Variants in NUDCD3 observed in about 807,000 individuals in gnomAD.
The protein encoded by NUDCD3 is NudC domain containing 3.
Under a neutral mutation model 39.7 loss-of-function variants are expected in NUDCD3, and 13 were observed. The observed-to-expected ratio is 0.33, with a 90% CI of 0.21 to 0.52. NUDCD3 has a LOEUF of 0.52. Ranked by LOEUF, NUDCD3 falls within the 20% of genes least tolerant of loss-of-function variation. NUDCD3 has a pLI of 0.96. For synonymous variants in NUDCD3, 175 were observed against 172.4 expected (o/e 1.02, Z -0.12); for missense variants, 453 against 458.1 (o/e 0.99, Z 0.10).
At chr7:44,478,042 G>A (rs1174803720) in intron 2 of NUDCD3, among the ~76,000 whole-genome samples, 1 of 151,880 alleles carries the variant, frequency 6.6e-6, no homozygotes, top group Non-Finnish European at 1.5e-5. Flanking sequence ...CCATGTTGGT[G>A]AGGCTTGTCT....
intron 2 of NUDCD3, among the ~76,000 whole-genome samples, chr7:44,442,718 CAG>C (rs1347162169): frequency 1.2e-4 from 15 of 125,316 alleles, no homozygotes; most frequent in Admixed American, 4.5e-4. Flanking sequence ...TTTTTTGAGA[CAG>C]AGTCTCACTC....
chr7:44,417,673 CA>C (rs1276050036), intron 3 of NUDCD3, among the ~76,000 whole-genome samples: 1 of 152,174 alleles, frequency 6.6e-6, no homozygotes, highest in Non-Finnish European at 1.5e-5. Flanking sequence ...TGGAAATCAA[CA>C]CCTAACCCAC....
intron 2 of NUDCD3, among the ~76,000 whole-genome samples, chr7:44,434,739 T>C (rs954683231): frequency 7.9e-5 from 12 of 152,156 alleles, no homozygotes; most frequent in Non-Finnish European, 1.8e-4. Context: ...CCCTGAATGC[T>C]CTGTGTGTCC....
chr7:44,470,830 A>G (rs1466878117), intron 2 of NUDCD3, among the ~76,000 whole-genome samples: 1 of 152,244 alleles, frequency 6.6e-6, no homozygotes, highest in Non-Finnish European at 1.5e-5. Flanking sequence ...AAACCAAAAC[A>G]AGAGTTCAAA....
intron 2 of NUDCD3, among the ~76,000 whole-genome samples, chr7:44,474,182 C>CAAA (rs11443298): frequency 1.7e-5 from 2 of 119,870 alleles, no homozygotes; most frequent in African/African-American, 3.1e-5. Context: ...TTTCCAACAT[C>CAAA]AAAAAAAAAA....
intron 3 of NUDCD3, among the ~76,000 whole-genome samples, chr7:44,410,787 G>A (rs1798909158): frequency 6.6e-6 from 1 of 151,872 alleles, no homozygotes; most frequent in African/African-American, 2.4e-5. Context: ...GCCAACAGGG[G>A]GTAACCATAT....
intron 1 of NUDCD3, 52 bp downstream of exon 1, chr7:44,490,357 C>A: frequency 6.9e-7 from 1 of 1,457,100 alleles, no homozygotes; most frequent in South Asian, 1.4e-5. Flanking sequence ...CGCCAGGAGT[C>A]AGGGCAGGCC....
At chr7:44,466,246 A>C (rs988186054) in intron 2 of NUDCD3, among the ~76,000 whole-genome samples, 3 of 152,190 alleles carry the variant, frequency 2.0e-5, no homozygotes, top group Admixed American at 6.5e-5. Flanking sequence ...CCTAAATTGG[A>C]AAATACTCAG....
chr7:44,459,201 TTC>T (rs1245909807), intron 2 of NUDCD3, among the ~76,000 whole-genome samples: 7 of 151,472 alleles, frequency 4.6e-5, no homozygotes, highest in African/African-American at 1.7e-4. Flanking sequence ...TCTTAATTTT[TTC>T]TTTTTTTTTT....
chr7:44,466,096 C>T (rs1454274405), intron 2 of NUDCD3, among the ~76,000 whole-genome samples: 2 of 152,144 alleles, frequency 1.3e-5, no homozygotes, highest in African/African-American at 2.4e-5. Flanking sequence ...ATGCTTGCTG[C>T]CAGGAGCCAG....
intron 3 of NUDCD3, among the ~76,000 whole-genome samples, chr7:44,416,164 GC>G (rs1799018244): frequency 6.6e-6 from 1 of 152,138 alleles, no homozygotes; most frequent in South Asian, 2.1e-4. Context: ...GTTCGCAGAA[GC>G]CTTGACCTCC....
intron 2 of NUDCD3, among the ~76,000 whole-genome samples, chr7:44,464,649 T>A (rs901711637): frequency 2.0e-5 from 3 of 152,172 alleles, no homozygotes; most frequent in Admixed American, 2.0e-4. Flanking sequence ...AGACAGGGTT[T>A]CACCACATTG....
At chr7:44,485,908 G>A (rs1320443819) in intron 1 of NUDCD3, among the ~76,000 whole-genome samples, 1 of 152,220 alleles carries the variant, frequency 6.6e-6, no homozygotes, top group African/African-American at 2.4e-5. Context: ...CCATGAAGGT[G>A]CTGGGACCTC....
chr7:44,408,579 G>A (rs999305544), intron 3 of NUDCD3, among the ~76,000 whole-genome samples: 1 of 152,132 alleles, frequency 6.6e-6, no homozygotes, highest in Admixed American at 6.5e-5. Context: ...TGAAAATGGT[G>A]GTTACTACAG....
intron 3 of NUDCD3, among the ~76,000 whole-genome samples, chr7:44,407,045 C>A (rs1476682409): frequency 3.3e-5 from 5 of 152,130 alleles, no homozygotes; most frequent in African/African-American, 1.2e-4. Flanking sequence ...TCCAAAGACA[C>A]TGACCAGCAG....
chr7:44,430,356 G>A (rs150034993), intron 2 of NUDCD3, among the ~76,000 whole-genome samples: 1 of 152,174 alleles, frequency 6.6e-6, no homozygotes, highest in African/African-American at 2.4e-5. Context: ...ATCCTTCTAG[G>A]TGAGCACTGA....
At chr7:44,478,275 G>A (rs1032015636) in intron 2 of NUDCD3, among the ~76,000 whole-genome samples, 1 of 152,194 alleles carries the variant, frequency 6.6e-6, no homozygotes, top group Non-Finnish European at 1.5e-5. Context: ...TTTGGGCCGG[G>A]CGCGGTGGCT....
At chr7:44,480,565 C>T (rs1345646020) in intron 2 of NUDCD3, among the ~76,000 whole-genome samples, 5 of 152,102 alleles carry the variant, frequency 3.3e-5, no homozygotes, top group Admixed American at 1.3e-4. Context: ...TATAGTCAGC[C>T]CTCGCTATCC....
chr7:44,488,094 T>C (rs1389181564), intron 1 of NUDCD3, among the ~76,000 whole-genome samples: 3 of 152,168 alleles, frequency 2.0e-5, no homozygotes, highest in East Asian at 3.9e-4. Flanking sequence ...CCTAGCACTT[T>C]AGGAGGCCGA....
Sources: allele counts gnomAD v4.1 joint callset (sites outside exome capture counted in the v4.1 genomes callset), GRCh38; gene constraint gnomAD v4.1.1; transcripts MANE v1.5; gene names NCBI Gene and HGNC (gene_info 2026-07-23, HGNC 2026-07-21).